Variants in PDZD2 observed in about 807,000 individuals in gnomAD.
PDZD2 encodes the protein PDZ domain containing 2.
A neutral mutation model predicts 220.7 loss-of-function variants in PDZD2; 90 were observed. That is an observed-to-expected ratio of 0.41 (90% CI 0.34 to 0.49). PDZD2 has a LOEUF of 0.49. PDZD2 is among the 20% of genes least tolerant of loss of function. The pLI is 0.28. For missense variants in PDZD2, 3,174 were observed against 3,608.5 expected (o/e 0.88, Z 3.08); for synonymous variants, 1,375 against 1,450.5 (o/e 0.95, Z 1.18).
At chr5:31,794,998 C>T (rs546110191) in intron 1 of PDZD2, among the ~76,000 whole-genome samples, 2 of 152,274 alleles carry the variant, frequency 1.3e-5, no homozygotes, top group African/African-American at 2.4e-5. Flanking sequence ...CCCCCAGCCA[C>T]GTTAAGGATC....
chr5:31,745,288 C>G (rs576205038), intron 1 of PDZD2, among the ~76,000 whole-genome samples: 2 of 152,276 alleles, frequency 1.3e-5, no homozygotes, highest in African/African-American at 4.8e-5. Context: ...ACACCACCAT[C>G]CAGATAAAAA....
rs1248102306 is a variant in PDZD2 at position 31,646,229 on chromosome 5, A to G, written c.-361+6792A>G. On this transcript the variant is annotated intron_variant, in intron 1 of 24. Coordinates refer to ENST00000438447, the MANE Select transcript of PDZD2 (RefSeq NM_178140.4). The surrounding 1 kb of genome is among the most constrained non-coding windows in gnomAD (Gnocchi z 4.7). ...TGTTACTGTAATTCCAGTATTCCAG[A>G]AGACTCTGTTTCTGGAGACTGGAGA... 1.3e-5 allele frequency among the ~76,000 whole-genome samples: 2 copies of G among 152,156 alleles called. No homozygotes were observed. Among genetic ancestry groups the G allele is most frequent in the African/African-American group, 4.8e-5 (2 of 41,418 alleles).
chr5:32,088,583 CTAAAG>C lies in PDZD2; in HGVS notation c.5138_5142del (p.Lys1713SerfsTer23). 3 of 1,614,186 alleles carry C rather than the reference CTAAAG, an allele frequency of 1.9e-6. No individual in the cohort carries two copies. The highest frequency in any genetic ancestry group is 2.5e-6 in the Non-Finnish European group (3 of 1,180,014). On this transcript the variant is annotated frameshift_variant, in exon 20 of 25. Coordinates refer to ENST00000438447, the MANE Select transcript of PDZD2 (RefSeq NM_178140.4). LOFTEE classifies it high-confidence loss of function. This position sits in a 1 kb window ranked among gnomAD's most constrained non-coding sequence, Gnocchi z 4.6. Reference sequence around the variant, plus strand: ...TCAGCCATGGAAAACAGTCCGCTGTCTAAAGTAGCCAGGCATTTTCACAGTCCGCC... The same window carrying C: ...TCAGCCATGGAAAACAGTCCGCTGTCTAGCCAGGCATTTTCACAGTCCGCC...
intron 19 of PDZD2, among the ~76,000 whole-genome samples, chr5:32,085,445 T>C (rs889139375): frequency 1.3e-5 from 2 of 148,298 alleles, no homozygotes; most frequent in Non-Finnish European, 3.0e-5. Context: ...TGCAATACCT[T>C]ATTATTATTT....
At chr5:31,911,090 C>T (rs578177229) in intron 2 of PDZD2, among the ~76,000 whole-genome samples, 36 of 152,162 alleles carry the variant, frequency 2.4e-4, no homozygotes, top group Non-Finnish European at 4.7e-4. Flanking sequence ...AAATATGTAA[C>T]AACTTCCTCT....
chr5:31,796,889 A>C (rs1018393547), intron 1 of PDZD2, among the ~76,000 whole-genome samples: 29 of 151,420 alleles, frequency 1.9e-4, no homozygotes, highest in Non-Finnish European at 3.7e-4. Context: ...GAGCATCTTG[A>C]CCAAGATATT....
At chr5:31,951,207 A>C (rs1482455626) in intron 2 of PDZD2, among the ~76,000 whole-genome samples, 1 of 152,154 alleles carries the variant, frequency 6.6e-6, no homozygotes, top group Non-Finnish European at 1.5e-5. Context: ...AGCCGGGATT[A>C]CACGTGTACA....
In PDZD2 at chr5:31,799,580, G is replaced by T. The variant is rs774614862; in HGVS notation, c.332G>T (p.Gly111Val). The change falls in exon 2 of 25, where the codon GGT (glycine) becomes GTT (valine). Residue 111 changes from glycine (G) to valine (V), a missense_variant. This residue lies in a region of PDZD2 where 632 missense variants were observed against 708.1 expected (regional missense o/e 0.89). Coordinates refer to ENST00000438447, the MANE Select transcript of PDZD2 (RefSeq NM_178140.4). Reference sequence around the variant, plus strand: ...GGCAAGAAGAGGAAAACCCACCAGGGTCCTGTGCTGGATGTGGGCTGCATC... The same window carrying T: ...GGCAAGAAGAGGAAAACCCACCAGGTTCCTGTGCTGGATGTGGGCTGCATC... ...RGGKKRKTHQ[G>V]PVLDVGCIWV... is the part of the protein sequence containing the mutation. 3.1e-6 allele frequency: 5 copies of T among 1,614,164 alleles called. 1 individual carries two copies. The South Asian group carries it at 5.5e-5, about 18-fold the overall frequency.
intron 1 of PDZD2, among the ~76,000 whole-genome samples, chr5:31,755,412 C>T (rs1751250821): frequency 1.3e-5 from 2 of 152,036 alleles, no homozygotes; most frequent in African/African-American, 2.4e-5. Context: ...GGGGCGGTGG[C>T]GCTTGCACAG....
chr5:31,676,680 G>C (rs546373869), intron 1 of PDZD2, among the ~76,000 whole-genome samples: 1 of 148,876 alleles, frequency 6.7e-6, no homozygotes, highest in Non-Finnish European at 1.5e-5. Context: ...TCAGCCTCCC[G>C]AGTAGCTGGG....
At chr5:31,650,855 T>C (rs1414864766) in intron 1 of PDZD2, among the ~76,000 whole-genome samples, 1 of 152,228 alleles carries the variant, frequency 6.6e-6, no homozygotes, top group Non-Finnish European at 1.5e-5. Flanking sequence ...TCTTCCTAGC[T>C]GATAAGAGCC....
At chr5:31,916,681 T>TC (rs11371472) in intron 2 of PDZD2, among the ~76,000 whole-genome samples, 140,565 of 152,248 alleles carry the variant, frequency 0.92, 65,077 homozygotes, top group East Asian at 0.98. Flanking sequence ...CCCTGGGTGT[T>TC]CCTGATTCTC....
At chr5:31,745,445 T>C (rs981755336) in intron 1 of PDZD2, among the ~76,000 whole-genome samples, 6 of 152,200 alleles carry the variant, frequency 3.9e-5, no homozygotes, top group Non-Finnish European at 7.3e-5. Flanking sequence ...TAAAAATAAA[T>C]GGATTCAAGT....
intron 1 of PDZD2, among the ~76,000 whole-genome samples, chr5:31,651,805 GTTTGTTTGTT>G (rs1412465047): frequency 1.3e-5 from 2 of 149,996 alleles, no homozygotes; most frequent in Admixed American, 6.6e-5. Flanking sequence ...TAATTTTTTT[GTTTGTTTGTT>G]TTTGTTTGTT....
intron 1 of PDZD2, among the ~76,000 whole-genome samples, chr5:31,768,788 C>T (rs115398550): frequency 0.024 from 3,711 of 152,246 alleles, 139 homozygotes; most frequent in African/African-American, 0.083. Context: ...TCTAGCGGCA[C>T]TGGAGCAGGG....
intron 2 of PDZD2, among the ~76,000 whole-genome samples, chr5:31,815,260 A>G (rs1444271890): frequency 1.5e-5 from 2 of 136,920 alleles, no homozygotes; most frequent in Admixed American, 6.9e-5. Context: ...AAAAAAAAAA[A>G]AAAAAAAAAA....
rs62360841 is a variant in PDZD2, at chr5:31,847,460, C to G, written c.476+47736C>G. On this transcript the variant is annotated intron_variant, in intron 2 of 24. Transcript: ENST00000438447. The stretch of plus-strand genomic sequence containing the variant: ...AACAGAGATATCATTTGTCAGATTG[C>G]GTATGCCCATGTAGAAGGGGATATG... 3.4e-5 allele frequency: 20 copies of G among 580,298 alleles called. No homozygotes were observed. In the Admixed American group the frequency reaches 3.5e-4, roughly 10 times the overall value. 35.9% of individuals were successfully genotyped at this position (580,298 alleles called of 1,614,324 possible).
intron 2 of PDZD2, chr5:31,840,446 A>ATTTTTT (rs1373495751): frequency 1.4e-5 from 1 of 69,136 alleles, no homozygotes; most frequent in Non-Finnish European, 2.6e-5. Context: ...ATATATATAT[A>ATTTTTT]TATTTGTTTA....
intron 6 of PDZD2, among the ~76,000 whole-genome samples, chr5:32,019,388 C>T (rs1442716831): frequency 6.6e-6 from 1 of 152,176 alleles, no homozygotes; most frequent in African/African-American, 2.4e-5. Flanking sequence ...AAGCAATCCT[C>T]CCGTCTCAGC....
Sources: allele counts gnomAD v4.1 joint callset (sites outside exome capture counted in the v4.1 genomes callset), GRCh38; gene constraint gnomAD v4.1.1; regional missense constraint gnomAD v4.1.1; non-coding constraint Gnocchi (gnomAD v3.1); transcripts MANE v1.5; gene names NCBI Gene and HGNC (gene_info 2026-07-23, HGNC 2026-07-21).